Variants in PGLYRP4 observed in about 807,000 individuals in gnomAD.
The protein encoded by PGLYRP4 is peptidoglycan recognition protein 4, also known as PGRP-I-beta.
In PGLYRP4, 39 loss-of-function variants were observed where a neutral mutation model predicts 41.2. The ratio of observed to expected loss-of-function variants is 0.95; its 90% CI spans 0.73 to 1.24. The LOEUF (loss-of-function observed/expected upper bound fraction) is 1.24, where lower values mean the gene tolerates loss of function less well. Among genes scored for constraint, PGLYRP4 ranks in the 50% most tolerant of loss-of-function variants. The pLI is 0.00. For missense variants in PGLYRP4, 467 were observed against 460.7 expected (o/e 1.01, Z -0.13); for synonymous variants, 202 against 186.8 (o/e 1.08, Z -0.66).
intron 4 of PGLYRP4, 70 bp downstream of exon 4, chr1:153,345,099 A>T: frequency 1.7e-6 from 2 of 1,162,514 alleles, no homozygotes; most frequent in Non-Finnish European, 2.5e-6. Context: ...AAGGGATGAG[A>T]AGGGACAGGA....
intron 8 of PGLYRP4, among the ~76,000 whole-genome samples, chr1:153,335,028 G>A (rs1174212820): frequency 6.6e-6 from 1 of 151,170 alleles, no homozygotes; most frequent in Non-Finnish European, 1.5e-5. Flanking sequence ...TAGACCCACT[G>A]CATATAAACA....
At chr1:153,340,910 T>C (rs192591488) in intron 6 of PGLYRP4, among the ~76,000 whole-genome samples, 53 of 152,366 alleles carry the variant, frequency 3.5e-4, no homozygotes, top group African/African-American at 1.1e-3. Flanking sequence ...TGAATCTTCT[T>C]TCAATCTTGA....
intron 5 of PGLYRP4, among the ~76,000 whole-genome samples, chr1:153,342,559 T>C (rs939482061): frequency 6.6e-6 from 1 of 152,200 alleles, no homozygotes; most frequent in Non-Finnish European, 1.5e-5. Context: ...GGAGTACATA[T>C]GTTAAGATGC....
intron 7 of PGLYRP4, among the ~76,000 whole-genome samples, chr1:153,339,006 T>A (rs979266436): frequency 5.9e-5 from 9 of 152,232 alleles, no homozygotes; most frequent in Non-Finnish European, 2.9e-5. Flanking sequence ...TTCAATTACA[T>A]GTTCAGTGAA....
chr1:153,346,152 G>C lies in PGLYRP4; in HGVS notation c.89C>G (p.Ser30Ter). The C allele has an allele frequency of 3.7e-6, 6 of 1,614,064 alleles. No individual in the cohort carries two copies. The highest frequency in any genetic ancestry group is 4.2e-6 in the Non-Finnish European group (5 of 1,179,914). ...CTCAAATAGGTACTGGAGCCCCTCT[G>C]ATACCTGTTTAGCTTGTGTTTTGTT... ...SWNKTQAKQV[S>*]EGLQYLFENI... Residue 30 changes from serine (S) to a stop codon, truncating the protein, a stop_gained, in exon 3 of 9, where the codon TCA (serine) becomes TGA (stop). Coordinates refer to ENST00000359650, the MANE Select transcript of PGLYRP4 (RefSeq NM_020393.4). LOFTEE classifies it high-confidence loss of function.
chr1:153,343,020 C>A, intron 5 of PGLYRP4, 70 bp downstream of exon 5: 1 of 879,696 alleles, frequency 1.1e-6, no homozygotes. Context: ...ATAGCTAGTT[C>A]CCATGAAGTG....
chr1:153,346,474 C>CA (rs751632442), intron 2 of PGLYRP4, among the ~76,000 whole-genome samples: 5 of 86,216 alleles, frequency 5.8e-5, no homozygotes, highest in African/African-American at 2.1e-4. Context: ...ACACAATTGG[C>CA]GGGGAAAAAA....
Position 153,347,954 on chromosome 1 carries a change from CA to C in PGLYRP4, c.-23del, listed in dbSNP as rs757569797. The C allele has an allele frequency of 1.6e-5, 26 of 1,606,372 alleles. No homozygotes were observed. Among genetic ancestry groups the C allele is most frequent in the South Asian group, 1.4e-4 (13 of 90,832 alleles). On this transcript the variant is annotated 5_prime_UTR_variant, in exon 2 of 9. It adds an upstream start codon to the 5' untranslated region. Coordinates refer to ENST00000359650, the MANE Select transcript of PGLYRP4 (RefSeq NM_020393.4). The stretch of plus-strand genomic sequence containing the variant: ...GCATCCCCACGTGGTCCCAGGACAC[CA>C]ATCTGGAGAGTGTGGATGGCAGCCT...
At chr1:153,332,384 A>G (rs978828045) in intron 8 of PGLYRP4, among the ~76,000 whole-genome samples, 31 of 152,124 alleles carry the variant, frequency 2.0e-4, no homozygotes, top group Admixed American at 1.7e-3. Context: ...CATAAAACAA[A>G]TACTGCTAGA....
At chr1:153,341,919 G>A (rs568749223) in intron 5 of PGLYRP4, 140 bp from the exon 6 acceptor site, 3 of 725,998 alleles carry the variant, frequency 4.1e-6, no homozygotes, top group Admixed American at 3.1e-5. Flanking sequence ...CCCAGTTGGA[G>A]AGGCTGAGAA....
Position 153,346,087 on chromosome 1 carries a change from C to T in PGLYRP4, c.139+15G>A, listed in dbSNP as rs1207998340. 6.3e-7 allele frequency: 1 copy of T among 1,590,944 alleles called. No homozygotes were observed. The highest frequency in any genetic ancestry group is 1.7e-5 in the Admixed American group (1 of 59,990). On this transcript the variant is annotated intron_variant, in intron 3 of 8. Coordinates refer to ENST00000359650, the MANE Select transcript of PGLYRP4 (RefSeq NM_020393.4). ...GCTCGTCCCAAAACCCCCTTACTAT[C>T]CAGATCCAGTTTACCTTTTTCAGTG... is the stretch of plus-strand genomic sequence containing the variant.
rs147618343 is a variant in PGLYRP4, at chr1:153,341,713, C to A, written c.539G>T (p.Gly180Val). 6.2e-7 allele frequency: 1 copy of A among 1,613,874 alleles called. No individual in the cohort carries two copies. Among genetic ancestry groups the A allele is most frequent in the African/African-American group, 1.3e-5 (1 of 74,908 alleles). Residue 180 changes from glycine to valine, a missense_variant, in exon 6 of 9, where the codon GGC (glycine) becomes GTC (valine). By Grantham distance (109) the Gly-to-Val change is moderately radical. Coordinates refer to ENST00000359650, the MANE Select transcript of PGLYRP4 (RefSeq NM_020393.4). ...ENLITYAVQK[G>V]HLSSSYVQPL... ...CTGAACATAACTGGATGACAGGTGGCCCTTCTGGACAGCATAGGTGATTAG... is the reference window on the plus strand; with the variant it reads ...CTGAACATAACTGGATGACAGGTGGACCTTCTGGACAGCATAGGTGATTAG...
Position 153,346,477 on chromosome 1 carries a change from G to GA in PGLYRP4, c.50-287_50-286insT, listed in dbSNP as rs1557832466. On this transcript the variant is annotated intron_variant, in intron 2 of 8. Transcript: ENST00000359650. ...CTGTATCTACACACACAATTGGCGG[G>GA]GAAAAAAAAAAAACTAGAAATGTAT... Among the ~76,000 whole-genome samples, 7 of 87,902 alleles carry GA rather than the reference G, an allele frequency of 8.0e-5. No individual in the cohort carries two copies. The East Asian group carries it at 1.8e-3, about 23-fold the overall frequency. 57.7% of individuals were successfully genotyped at this position (87,902 alleles called of 152,430 possible). A position where few individuals can be genotyped will look rare whatever the true frequency, so the allele number is the denominator to read the frequency against.
intron 7 of PGLYRP4, among the ~76,000 whole-genome samples, chr1:153,338,300 C>A (rs1298932878): frequency 6.6e-6 from 1 of 152,174 alleles, no homozygotes; most frequent in East Asian, 1.9e-4. Context: ...AACCATTAAC[C>A]TCCACTGACC....
At chr1:153,341,509 A>C in intron 6 of PGLYRP4, 118 bp downstream of exon 6, 1 of 932,244 alleles carries the variant, frequency 1.1e-6, no homozygotes, top group Admixed American at 2.4e-5. Flanking sequence ...TTGGGTGGCC[A>C]GTTGCCTTCC....
chr1:153,344,970 T>C (rs1660939854), intron 4 of PGLYRP4, 199 bp downstream of exon 4: 2 of 576,514 alleles, frequency 3.5e-6, no homozygotes, highest in Non-Finnish European at 6.2e-6. Flanking sequence ...TGCTTCCTCC[T>C]GGGAGCTCTC....
In PGLYRP4 at chr1:153,337,994, G is replaced by A. The variant is rs117323110; in HGVS notation, c.825-695C>T. 1.8e-3 allele frequency among the ~76,000 whole-genome samples: 279 copies of A among 152,218 alleles called. 9 individuals carry two copies. The East Asian group carries it at 0.041, about 23-fold the overall frequency. ...CTTTCCTTAAATGTGAGGTTCCTCA[G>A]GATGCTATCCTCAGCTCTCTTCTCC... On this transcript the variant is annotated intron_variant, in intron 7 of 8. Transcript: ENST00000359650.
chr1:153,347,765 C>T (rs1661077794), intron 2 of PGLYRP4, 119 bp downstream of exon 2: 1 of 736,488 alleles, frequency 1.4e-6, no homozygotes, highest in Non-Finnish European at 2.4e-6. Context: ...GGGATCTCGG[C>T]TCACTGCAGC....
rs753050386 is a variant in PGLYRP4, at chr1:153,345,270, G to A, written c.252C>T (p.Val84=). The change falls in exon 4 of 9, where the codon GTC becomes GTT. Residue 84 remains valine, a synonymous_variant. Coordinates refer to ENST00000359650, the MANE Select transcript of PGLYRP4 (RefSeq NM_020393.4). ...TCTGGTCGTGACACTCCAGTCCAGG[G>A]ACATGGTGTATAACAAGGACATTCA... ...TPVNVLVIHH[V]PGLECHDQTV... The A allele has an allele frequency of 1.2e-6, 2 of 1,614,136 alleles. No individual in the cohort carries two copies. Among genetic ancestry groups the A allele is most frequent in the Admixed American group, 3.3e-5 (2 of 60,026 alleles).
Sources: allele counts gnomAD v4.1 joint callset (sites outside exome capture counted in the v4.1 genomes callset), GRCh38; gene constraint gnomAD v4.1.1; transcripts MANE v1.5; gene names NCBI Gene and HGNC (gene_info 2026-07-23, HGNC 2026-07-21).